CNTNAP4: variants seen among roughly 807,000 people sequenced by gnomAD.
The protein encoded by CNTNAP4 is contactin associated protein family member 4.
CNTNAP4 carries 98 observed loss-of-function variants against 148.4 expected under a neutral mutation model. The observed-to-expected ratio is 0.66, with a 90% CI of 0.56 to 0.78. The LOEUF is 0.78. Among genes scored for constraint, CNTNAP4 ranks in the 30% least tolerant of loss-of-function variants. CNTNAP4 has a pLI of 0.00. For synonymous variants in CNTNAP4, 730 were observed against 565.1 expected (o/e 1.29, Z -4.14); for missense variants, 1,935 against 1,565.6 (o/e 1.24, Z -3.98).
intron 21 of CNTNAP4, among the ~76,000 whole-genome samples, chr16:76,550,442 C>T (rs932222856): frequency 3.3e-5 from 5 of 152,038 alleles, no homozygotes; most frequent in African/African-American, 9.7e-5. Flanking sequence ...GAAATGTTTT[C>T]AGTTTGTAAG....
At chr16:76,383,761 A>G (rs12102695) in intron 3 of CNTNAP4, among the ~76,000 whole-genome samples, 2,518 of 152,298 alleles carry the variant, frequency 0.017, 60 homozygotes, top group African/African-American at 0.05. Flanking sequence ...CGCATGAAAT[A>G]ATATGATGTC....
At chr16:76,524,353 AT>A (rs2083619789) in intron 17 of CNTNAP4, among the ~76,000 whole-genome samples, 1 of 152,208 alleles carries the variant, frequency 6.6e-6, no homozygotes, top group Non-Finnish European at 1.5e-5. Context: ...TTACAAAAAA[AT>A]GAGAGATGGC....
Position 76,538,222 on chromosome 16 carries a change from T to C in CNTNAP4, c.3102T>C (p.Asp1034=). The C allele has an allele frequency of 6.2e-7, 1 of 1,609,834 alleles. No individual in the cohort carries two copies. The highest frequency in any genetic ancestry group is 8.5e-7 in the Non-Finnish European group (1 of 1,177,978). The part of the protein sequence containing the change: ...SSSHAASFHG[D]MKLSREMIKF... ...CCCACGCTGCTTCATTTCATGGTGATATGAAGCTGAGCAGAGAAATGATCA... is the reference window on the plus strand; with the variant it reads ...CCCACGCTGCTTCATTTCATGGTGACATGAAGCTGAGCAGAGAAATGATCA... The change falls in exon 19 of 24, where the codon GAT becomes GAC. Residue 1034 remains aspartate, a synonymous_variant. Coordinates refer to ENST00000611870, the MANE Select transcript of CNTNAP4 (RefSeq NM_033401.5).
intron 2 of CNTNAP4, among the ~76,000 whole-genome samples, chr16:76,345,599 A>G (rs184471119): frequency 1.4e-4 from 22 of 152,260 alleles, no homozygotes; most frequent in Admixed American, 1.3e-3. Context: ...TGATAAGGCC[A>G]TCTGTGTTTG....
At chr16:76,278,272 T>A (rs1958556712) in intron 1 of CNTNAP4, among the ~76,000 whole-genome samples, 1 of 152,206 alleles carries the variant, frequency 6.6e-6, no homozygotes, top group Non-Finnish European at 1.5e-5. Context: ...CAGCACTGGC[T>A]GAGGCGAGTC....
In CNTNAP4 at chr16:76,503,530, A is replaced by G. The variant is rs73618168; in HGVS notation, c.2365+4836A>G. On this transcript the variant is annotated intron_variant, in intron 15 of 23. Coordinates refer to ENST00000611870, the MANE Select transcript of CNTNAP4 (RefSeq NM_033401.5). ...AGGTCAATATTCAAAAGTGAATTAT[A>G]TATTTTTTATTATTATACTTTAAGT... Among the ~76,000 whole-genome samples the G allele has an allele frequency of 7.7e-3, 1,168 of 152,296 alleles. 19 individuals carry two copies. The highest frequency in any genetic ancestry group is 0.027 in the African/African-American group (1,123 of 41,556).
intron 13 of CNTNAP4, 92 bp from the exon 14 acceptor site, chr16:76,494,817 CT>C: frequency 7.7e-7 from 1 of 1,291,368 alleles, no homozygotes. Flanking sequence ...TCCTTTTATT[CT>C]TTTTAATGAT....
chr16:76,525,390 ACAAG>A (rs1393157909), intron 17 of CNTNAP4, among the ~76,000 whole-genome samples: 1 of 151,126 alleles, frequency 6.6e-6, no homozygotes, highest in African/African-American at 2.4e-5. Context: ...AAGAGAAGAG[ACAAG>A]CAATTAAAAA....
chr16:76,499,814 G>C (rs201414253), intron 15 of CNTNAP4, among the ~76,000 whole-genome samples: 24,470 of 150,944 alleles, frequency 0.16, 2,342 homozygotes, highest in Admixed American at 0.3. Flanking sequence ...ATCTTGCACC[G>C]CCCTTAATCC....
chr16:76,367,062 A>G (rs1326370845), intron 3 of CNTNAP4, among the ~76,000 whole-genome samples: 4 of 151,784 alleles, frequency 2.6e-5, no homozygotes, highest in Non-Finnish European at 4.4e-5. Flanking sequence ...AATATATATT[A>G]ATTAAAACTT....
intron 4 of CNTNAP4, among the ~76,000 whole-genome samples, chr16:76,438,974 C>G (rs908927309): frequency 6.6e-6 from 1 of 152,036 alleles, no homozygotes; most frequent in African/African-American, 2.4e-5. Context: ...CATATCTTTA[C>G]TACTTTACTA....
chr16:76,444,832 A>G (rs563260328), intron 4 of CNTNAP4, among the ~76,000 whole-genome samples: 5 of 152,114 alleles, frequency 3.3e-5, no homozygotes, highest in African/African-American at 1.2e-4. Context: ...CTGATAATGT[A>G]CTCGCATTGT....
At chr16:76,485,168 A>C (rs577740042) in intron 12 of CNTNAP4, among the ~76,000 whole-genome samples, 9 of 152,130 alleles carry the variant, frequency 5.9e-5, no homozygotes, top group African/African-American at 2.2e-4. Flanking sequence ...CCCAGGCTGG[A>C]GTGCAATGGC....
In CNTNAP4 at chr16:76,378,074, A is replaced by G. The variant is rs141750765; in HGVS notation, c.390+22563A>G. ...TGCTCGAATCCAGAGATCACTCTCA[A>G]TTCTCATTTTATAACAATATTAAGA... On this transcript the variant is annotated intron_variant, in intron 3 of 23. Transcript: ENST00000611870. Among the ~76,000 whole-genome samples the G allele has an allele frequency of 2.7e-4, 41 of 152,296 alleles. 1 individual carries two copies. The East Asian group carries it at 7.9e-3, about 29-fold the overall frequency.
In CNTNAP4 at chr16:76,312,822, A is replaced by C. The variant is rs111763915; in HGVS notation, c.86-3591A>C. Reference sequence around the variant, plus strand: ...TCATCTGCAAGAGAGTAACATTAATATATCAACAAGGAGGGGTAAAGATTA... The same window carrying C: ...TCATCTGCAAGAGAGTAACATTAATCTATCAACAAGGAGGGGTAAAGATTA... On this transcript the variant is annotated intron_variant, in intron 1 of 23. Transcript: ENST00000611870. 8.0e-3 allele frequency among the ~76,000 whole-genome samples: 1,216 copies of C among 152,340 alleles called. 15 individuals are homozygous for C. Among genetic ancestry groups the C allele is most frequent in the African/African-American group, 0.027 (1,136 of 41,592 alleles).
intron 3 of CNTNAP4, among the ~76,000 whole-genome samples, chr16:76,421,828 A>G (rs2079200789): frequency 6.6e-6 from 1 of 152,122 alleles, no homozygotes; most frequent in South Asian, 2.1e-4. Context: ...TTGAACTTCT[A>G]CTGGTGCTGC....
At chr16:76,438,258 C>G (rs2079907811) in intron 4 of CNTNAP4, among the ~76,000 whole-genome samples, 2 of 152,134 alleles carry the variant, frequency 1.3e-5, no homozygotes, top group African/African-American at 4.8e-5. Flanking sequence ...TCTTGTAACT[C>G]ACATGCTCAA....
At chr16:76,441,404 T>C (rs1329439831) in intron 4 of CNTNAP4, among the ~76,000 whole-genome samples, 1 of 152,188 alleles carries the variant, frequency 6.6e-6, no homozygotes, top group East Asian at 1.9e-4. Context: ...GCAGATTGTA[T>C]TTCTGAATTG....
chr16:76,519,752 AT>A (rs145007997), intron 15 of CNTNAP4, among the ~76,000 whole-genome samples: 2,013 of 152,336 alleles, frequency 0.013, 27 homozygotes, highest in South Asian at 0.04. Flanking sequence ...ATATGGTTTC[AT>A]TTGACTCTGG....
Sources: gnomAD v4.1 joint callset for allele counts (sites outside exome capture counted in the v4.1 genomes callset) on GRCh38, gnomAD v4.1.1 for gene constraint, MANE v1.5 for transcripts, NCBI Gene and HGNC (gene_info 2026-07-23, HGNC 2026-07-21) for gene names.